MALRD1: variants seen among roughly 807,000 people sequenced by gnomAD.
The protein encoded by MALRD1 is MAM and LDL receptor class A domain containing 1, also known as MAM and LDL-receptor class A domain-containing protein 1.
A neutral mutation model predicts 242.1 loss-of-function variants in MALRD1; 247 were observed. The ratio of observed to expected loss-of-function variants is 1.02; its 90% CI spans 0.92 to 1.13. The LOEUF is 1.13. MALRD1 is among the 50% of genes most tolerant of loss of function. MALRD1 has a pLI of 0.00. For missense variants in MALRD1, 2,989 were observed against 2,533.1 expected (o/e 1.18, Z -3.86); for synonymous variants, 995 against 866.6 (o/e 1.15, Z -2.60).
chr10:19,564,412 A>G (rs1379483101), intron 32 of MALRD1, among the ~76,000 whole-genome samples: 1 of 152,100 alleles, frequency 6.6e-6, no homozygotes. Context: ...AGTAGCTTTG[A>G]TCATAATATA....
chr10:19,558,047 A>G (rs1025084151), intron 32 of MALRD1, among the ~76,000 whole-genome samples: 6 of 152,066 alleles, frequency 3.9e-5, no homozygotes, highest in East Asian at 3.9e-4. Flanking sequence ...TTGAATTTCA[A>G]TTGTTCATTC....
chr10:19,108,387 CTTTTTTTTTTTTTTTTTTTTTTTTTT>C (rs35948766), intron 5 of MALRD1, among the ~76,000 whole-genome samples: 1 of 19,764 alleles, frequency 5.1e-5, no homozygotes, highest in East Asian at 1.4e-3. Flanking sequence ...ATTGTTTTTT[CTTTTTTTTTTTTTTTTTTTTTTTTTT>C]TTTTTTTTTT....
intron 7 of MALRD1, among the ~76,000 whole-genome samples, chr10:19,125,360 T>TCTTTCTTTCTTTCTTTCTTTCTTTCTTTC (rs1837243611): frequency 8.6e-6 from 1 of 116,838 alleles, no homozygotes; most frequent in Non-Finnish European, 1.8e-5. Context: ...TTTCTTTCTT[T>TCTTTCTTTCTTTCTTTCTTTCTTTCTTTC]CTTTCTTTCT....
intron 26 of MALRD1, among the ~76,000 whole-genome samples, chr10:19,371,675 T>A (rs1845385938): frequency 6.6e-6 from 1 of 152,220 alleles, no homozygotes; most frequent in African/African-American, 2.4e-5. Context: ...CAAATATTAT[T>A]TCTGAAAGGC....
intron 28 of MALRD1, among the ~76,000 whole-genome samples, chr10:19,422,871 C>T (rs750219794): frequency 1.1e-4 from 17 of 152,136 alleles, no homozygotes; most frequent in Non-Finnish European, 2.4e-4. Context: ...AGTATGCCTC[C>T]AAGAGAAGCA....
At chr10:19,497,168 A>G (rs1178549283) in intron 30 of MALRD1, among the ~76,000 whole-genome samples, 4 of 152,106 alleles carry the variant, frequency 2.6e-5, no homozygotes, top group South Asian at 2.1e-4. Context: ...TGCAGGTGAC[A>G]TCATTCTAAA....
chr10:19,414,303 A>AT (rs2130894784), intron 28 of MALRD1, among the ~76,000 whole-genome samples: 1 of 152,342 alleles, frequency 6.6e-6, no homozygotes, highest in South Asian at 2.1e-4. Flanking sequence ...GCAATAACTG[A>AT]TAAGTCATTT....
intron 5 of MALRD1, among the ~76,000 whole-genome samples, chr10:19,105,838 A>G (rs1399639281): frequency 6.6e-6 from 1 of 151,812 alleles, no homozygotes; most frequent in African/African-American, 2.4e-5. Context: ...AGAAATAGCT[A>G]TTGAGGTTTT....
intron 31 of MALRD1, among the ~76,000 whole-genome samples, chr10:19,514,021 C>G (rs146005722): frequency 6.6e-6 from 1 of 152,096 alleles, no homozygotes; most frequent in Non-Finnish European, 1.5e-5. Flanking sequence ...GAGTCCTTTC[C>G]GTGAATCCCC....
intron 28 of MALRD1, among the ~76,000 whole-genome samples, chr10:19,413,915 C>G (rs1226067627): frequency 2.0e-5 from 3 of 150,828 alleles, no homozygotes; most frequent in African/African-American, 7.3e-5. Flanking sequence ...CGCACTACTG[C>G]ACTCCAGCCT....
Position 19,389,507 on chromosome 10 carries a change from C to T in MALRD1, c.4743C>T (p.His1581=), listed in dbSNP as rs1028820365. 1.8e-5 allele frequency: 28 copies of T among 1,550,484 alleles called. No individual in the cohort carries two copies. The highest frequency in any genetic ancestry group is 2.4e-5 in the East Asian group (1 of 40,924). The change falls in exon 28 of 40, where the codon CAC becomes CAT. Residue 1581 remains histidine, a synonymous_variant. Coordinates refer to ENST00000454679, the MANE Select transcript of MALRD1 (RefSeq NM_001142308.3). Reference sequence around the variant, plus strand: ...TGGGCCTTCGGGGTGACAAAGCACACTTCAGGAGTACCATGTGGCGAGAAT... The same window carrying T: ...TGGGCCTTCGGGGTGACAAAGCACATTTCAGGAGTACCATGTGGCGAGAAT... ...TAVGLRGDKA[H]FRSTMWRESS...
chr10:19,422,612 A>G (rs982740361), intron 28 of MALRD1, among the ~76,000 whole-genome samples: 1 of 152,188 alleles, frequency 6.6e-6, no homozygotes, highest in East Asian at 1.9e-4. Context: ...TTTATACTTC[A>G]TGATTAGATG....
chr10:19,261,121 C>A (rs992668577), intron 19 of MALRD1, among the ~76,000 whole-genome samples: 2 of 152,070 alleles, frequency 1.3e-5, no homozygotes, highest in Non-Finnish European at 2.9e-5. Flanking sequence ...CACAAGTCAC[C>A]ATTGAAACTA....
At chr10:19,683,167 A>C (rs1384257786) in intron 36 of MALRD1, among the ~76,000 whole-genome samples, 1 of 151,878 alleles carries the variant, frequency 6.6e-6, no homozygotes, top group East Asian at 1.9e-4. Context: ...TCAAAATGGC[A>C]GAATTGGTAA....
chr10:19,203,049 T>C (rs10740852), intron 14 of MALRD1, among the ~76,000 whole-genome samples: 50,499 of 152,000 alleles, frequency 0.33, 8,919 homozygotes, highest in South Asian at 0.65. Flanking sequence ...TAAAGTGTTC[T>C]ATAACTATCA....
intron 18 of MALRD1, among the ~76,000 whole-genome samples, chr10:19,226,050 A>G (rs992349948): frequency 1.3e-5 from 2 of 152,178 alleles, no homozygotes; most frequent in Non-Finnish European, 2.9e-5. Context: ...TACAGATATC[A>G]CAACTCAAAA....
intron 19 of MALRD1, among the ~76,000 whole-genome samples, chr10:19,277,605 C>A (rs1182848951): frequency 1.3e-5 from 2 of 152,076 alleles, no homozygotes; most frequent in East Asian, 3.9e-4. Context: ...CACAGGGTAG[C>A]CTGGAAGACA....
At chr10:19,598,135 C>T (rs1298790372) in intron 34 of MALRD1, 1 of 152,098 alleles carries the variant, frequency 6.6e-6, no homozygotes, top group African/African-American at 2.4e-5. Flanking sequence ...TAGGAGATGT[C>T]ACAGTTCAAG....
intron 18 of MALRD1, among the ~76,000 whole-genome samples, chr10:19,214,431 A>G (rs1263960146): frequency 6.6e-6 from 1 of 152,194 alleles, no homozygotes; most frequent in Admixed American, 6.5e-5. Context: ...TTACTCCATC[A>G]TGGTCATTGC....
Sources: gnomAD v4.1 joint callset for allele counts (sites outside exome capture counted in the v4.1 genomes callset) on GRCh38, gnomAD v4.1.1 for gene constraint, MANE v1.5 for transcripts, NCBI Gene and HGNC (gene_info 2026-07-23, HGNC 2026-07-21) for gene names.